CPAMD8: variants seen among roughly 807,000 people sequenced by gnomAD.
CPAMD8 encodes C3 and PZP-like alpha-2-macroglobulin domain-containing protein 8.
In CPAMD8, 146 loss-of-function variants were observed where a neutral mutation model predicts 224.7. The observed-to-expected ratio is 0.65, with a 90% CI of 0.57 to 0.75. The LOEUF is 0.75. Among genes scored for constraint, CPAMD8 ranks in the 30% least tolerant of loss-of-function variants. The probability of loss-of-function intolerance (pLI) is 0.00; values close to 1 mark genes in which losing one functional copy is unlikely to be tolerated. For missense variants in CPAMD8, 2,301 were observed against 2,537.5 expected (o/e 0.91, Z 2.00); for synonymous variants, 966 against 1,044.6 (o/e 0.92, Z 1.45).
rs143863912 is a variant in CPAMD8 at position 17,003,827 on chromosome 19, C to T, written c.673+446G>A. Among the ~76,000 whole-genome samples the T allele has an allele frequency of 7.1e-3, 1,077 of 151,434 alleles. 18 individuals are homozygous for T. Among genetic ancestry groups the T allele is most frequent in the Admixed American group, 0.025 (374 of 15,188 alleles). ...GTAGGACCATCCCCTGAAACTATACCCAGCCATCATGAGCCCTCAGTAAAC... is the reference window on the plus strand; with the variant it reads ...GTAGGACCATCCCCTGAAACTATACTCAGCCATCATGAGCCCTCAGTAAAC... On this transcript the variant is annotated intron_variant, in intron 8 of 41. Coordinates refer to ENST00000443236, the MANE Select transcript of CPAMD8 (RefSeq NM_015692.5).
At chr19:16,982,671 C>G (rs1220254406) in intron 13 of CPAMD8, among the ~76,000 whole-genome samples, 1 of 151,880 alleles carries the variant, frequency 6.6e-6, no homozygotes. Flanking sequence ...TCCATCTCCA[C>G]AAAAAATAAT....
intron 3 of CPAMD8, among the ~76,000 whole-genome samples, chr19:17,019,247 C>G (rs751705876): frequency 6.6e-6 from 1 of 152,100 alleles, no homozygotes; most frequent in South Asian, 2.1e-4. Flanking sequence ...CCTCAGCCCC[C>G]GAGTAGCTGG....
intron 30 of CPAMD8, among the ~76,000 whole-genome samples, chr19:16,906,606 A>G (rs773858): frequency 0.79 from 119,734 of 151,436 alleles, 47,526 homozygotes; most frequent in South Asian, 0.87. Context: ...GTTTCACCAT[A>G]TTGGCCCGGC....
chr19:16,897,771 C>T lies in CPAMD8; in HGVS notation c.4985G>A (p.Ser1662Asn). 1 of 1,586,054 alleles carries T rather than the reference C, an allele frequency of 6.3e-7. No homozygotes were observed. ...AFEATRFYNVSTHSPLARELC... is the reference protein window; with the variant it reads ...AFEATRFYNVNTHSPLARELC... ...TTCCCGGGCGAGTGGGCTGTGGGTG[C>T]TGACGTTGTAGAAGCGAGTGGCCTC... is the stretch of plus-strand genomic sequence containing the variant. Residue 1662 changes from serine (S) to asparagine (N), a missense_variant, in exon 39 of 42, where the codon AGC (serine) becomes AAC (asparagine). Physicochemically the swap from Ser to Asn is conservative, Grantham distance 46. Coordinates refer to ENST00000443236, the MANE Select transcript of CPAMD8 (RefSeq NM_015692.5).
chr19:16,928,143 G>A lies in CPAMD8; in HGVS notation c.3236C>T (p.Thr1079Ile), dbSNP rs774058053. The A allele has an allele frequency of 1.9e-6, 3 of 1,614,152 alleles. No homozygotes were observed. The South Asian group carries it at 3.3e-5, about 18-fold the overall frequency. ...PPEVQFIGFS[T>I]GWGSMGEFRI... ...GAATTCACCCATGGAGCCCCAGCCG[G>A]TGGAAAAGCCAATGAACTGGACCTC... The change falls in exon 25 of 42, where the codon ACC becomes ATC. Residue 1079 changes from threonine (T) to isoleucine (I), a missense_variant. By Grantham distance (89) the Thr-to-Ile change is moderately conservative. This residue lies in a region of CPAMD8 where 1,709 missense variants were observed against 1,753.2 expected (regional missense o/e 0.97). Transcript: ENST00000443236.
Position 16,980,602 on chromosome 19 carries a change from T to G in CPAMD8, c.1480A>C (p.Ile494Leu), listed in dbSNP as rs948545174. Reference sequence around the variant, plus strand: ...GCAGGCTGCTGGCCCGATAGCACAATATTGCCCCGTGCAGCCACCTCGTAG... The same window carrying G: ...GCAGGCTGCTGGCCCGATAGCACAAGATTGCCCCGTGCAGCCACCTCGTAG... ...LYYEVAARGN[I>L]VLSGQQPAHT... Residue 494 changes from isoleucine (I) to leucine (L), a missense_variant, in exon 14 of 42, where the codon ATT (isoleucine) becomes CTT (leucine). Physicochemically the swap from Ile to Leu is conservative, Grantham distance 5. Around this residue, in one of 4 missense-constraint regions of CPAMD8, gnomAD observed 301 missense variants for 406.6 expected, o/e 0.74. Transcript: ENST00000443236. The G allele has an allele frequency of 6.2e-7, 1 of 1,611,910 alleles. No individual in the cohort carries two copies. The highest frequency in any genetic ancestry group is 8.5e-7 in the Non-Finnish European group (1 of 1,179,246).
At chr19:16,914,554 C>T (rs2144836555) in intron 28 of CPAMD8, 56 bp from the exon 29 acceptor site, 1 of 1,609,970 alleles carries the variant, frequency 6.2e-7, no homozygotes, top group South Asian at 1.1e-5. Flanking sequence ...CCACTTCCCC[C>T]CACTTCCCCC....
Position 16,947,217 on chromosome 19 carries a change from T to A in CPAMD8, c.2519A>T (p.Lys840Met), listed in dbSNP as rs1241045852. ...CTGGATGCCCTTGGGAACCGAGAGC[T>A]TCATGTACACCTGCAGAGGGTGGCA... ...YMGTCAEVYMKLSVPKGIQFV... is the reference protein window; with the variant it reads ...YMGTCAEVYMMLSVPKGIQFV... Residue 840 changes from lysine to methionine, a missense_variant, in exon 21 of 42, where the codon AAG (lysine) becomes ATG (methionine). Lys to Met is a moderately conservative substitution (Grantham distance 95, BLOSUM62 -1). This residue lies in a region of CPAMD8 where 1,709 missense variants were observed against 1,753.2 expected (regional missense o/e 0.97). Transcript: ENST00000443236. 1.2e-6 allele frequency: 2 copies of A among 1,612,134 alleles called. No homozygotes were observed. Among genetic ancestry groups the A allele is most frequent in the African/African-American group, 2.7e-5 (2 of 74,840 alleles).
Position 16,896,491 on chromosome 19 carries a change from G to A in CPAMD8, c.5240C>T (p.Pro1747Leu). ...GCAGCTGGGAGGCGCGGGCTCCAGGGGCGCGGCCTGGCGGCAGGCGGCCTC... is the reference window on the plus strand; with the variant it reads ...GCAGCTGGGAGGCGCGGGCTCCAGGAGCGCGGCCTGGCGGCAGGCGGCCTC... ...LREAACRQAA[P>L]LEPAPPSCCA... The change falls in exon 40 of 42, where the codon CCC (proline) becomes CTC (leucine). Residue 1747 changes from proline to leucine, a missense_variant. Physicochemically the swap from Pro to Leu is moderately conservative, Grantham distance 98. Around this residue, in one of 4 missense-constraint regions of CPAMD8, gnomAD observed 1,709 missense variants for 1,753.2 expected, o/e 0.97. Transcript: ENST00000443236. 7.0e-7 allele frequency: 1 copy of A among 1,431,428 alleles called. No individual in the cohort carries two copies. Among genetic ancestry groups the A allele is most frequent in the South Asian group, 1.5e-5 (1 of 66,394 alleles). 88.7% of individuals were successfully genotyped at this position (1,431,428 alleles called of 1,614,324 possible).
intron 18 of CPAMD8, among the ~76,000 whole-genome samples, chr19:16,967,893 G>GTGCATATATACACACACATA (rs1568540065): frequency 4.6e-5 from 2 of 43,308 alleles, no homozygotes; most frequent in Admixed American, 1.9e-4. Flanking sequence ...ACACACACAT[G>GTGCATATATACACACACATA]TGTGTGTATA....
intron 5 of CPAMD8, among the ~76,000 whole-genome samples, chr19:17,011,035 GA>G (rs59681796): frequency 6.7e-5 from 10 of 149,862 alleles, no homozygotes; most frequent in Non-Finnish European, 1.0e-4. Context: ...AAAAAAAACA[GA>G]AAAAAAAATC....
At chr19:16,945,490 C>G in intron 22 of CPAMD8, 59 bp downstream of exon 22, 2 of 1,586,980 alleles carry the variant, frequency 1.3e-6, no homozygotes, top group Non-Finnish European at 1.7e-6. Flanking sequence ...CTGGGCCCAG[C>G]TTCATGGCTG....
At chr19:16,906,394 CTTTCT>C (rs1568459730) in intron 30 of CPAMD8, among the ~76,000 whole-genome samples, 184 of 85,104 alleles carry the variant, frequency 2.2e-3, no homozygotes, top group Non-Finnish European at 2.7e-3. Context: ...TTCTTTCTTT[CTTTCT>C]TTCTTTCTTT....
intron 18 of CPAMD8, among the ~76,000 whole-genome samples, chr19:16,962,031 G>A (rs998228953): frequency 2.0e-5 from 3 of 152,206 alleles, no homozygotes; most frequent in Non-Finnish European, 4.4e-5. Flanking sequence ...AGCCCCATCT[G>A]TAGGTTACCA....
chr19:16,925,819 T>A (rs2053338911), intron 25 of CPAMD8, among the ~76,000 whole-genome samples: 2 of 152,040 alleles, frequency 1.3e-5, no homozygotes, highest in South Asian at 4.1e-4. Context: ...AGTGGCACAA[T>A]CTCGGTTCAC....
chr19:17,000,589 A>C, intron 9 of CPAMD8, 67 bp from the exon 10 acceptor site: 1 of 764,884 alleles, frequency 1.3e-6, no homozygotes, highest in Non-Finnish European at 2.4e-6. Flanking sequence ...CAGCCTCAGG[A>C]AGGCCAGGTT....
chr19:16,903,115 G>T (rs543576400), intron 34 of CPAMD8, among the ~76,000 whole-genome samples: 1 of 152,066 alleles, frequency 6.6e-6, no homozygotes, highest in Non-Finnish European at 1.5e-5. Flanking sequence ...GAGTCTAGGG[G>T]TCTCCCTCTC....
At chr19:17,006,565 A>C (rs7259472) in intron 7 of CPAMD8, among the ~76,000 whole-genome samples, 1 of 151,808 alleles carries the variant, frequency 6.6e-6, no homozygotes. Context: ...AAAAGATCAA[A>C]TCCATTCTCT....
In CPAMD8 at chr19:17,009,730, C is replaced by T. The variant is rs187525506; in HGVS notation, c.487-410G>A. On this transcript the variant is annotated intron_variant, in intron 5 of 41. Transcript: ENST00000443236. ...CAGAGCTTGCAGTGAGCGGAGATTG[C>T]GCCACTGCACTCCAGCCTGGGTGAC... Among the ~76,000 whole-genome samples, 498 of 151,652 alleles carry T rather than the reference C, an allele frequency of 3.3e-3. 1 individual carries two copies. Among genetic ancestry groups the T allele is most frequent in the African/African-American group, 0.011 (456 of 41,292 alleles).
Sources: allele counts gnomAD v4.1 joint callset (sites outside exome capture counted in the v4.1 genomes callset), GRCh38; gene constraint gnomAD v4.1.1; regional missense constraint gnomAD v4.1.1; transcripts MANE v1.5; gene names NCBI Gene and HGNC (gene_info 2026-07-23, HGNC 2026-07-21).